The following TNPO1 variants were observed in gnomAD, a reference collection of about 807,000 sequenced individuals.
TNPO1 encodes transportin-1.
A neutral mutation model predicts 119.5 loss-of-function variants in TNPO1; 8 were observed. The ratio of observed to expected loss-of-function variants is 0.07; its 90% confidence interval spans 0.04 to 0.12. The LOEUF is 0.12. TNPO1 is among the 10% of genes least tolerant of loss of function. TNPO1 has a pLI of 1.00. For missense variants in TNPO1, 576 were observed against 1,089.8 expected, an observed-to-expected ratio of 0.53 and a Z score of 6.64; for synonymous variants, 362 against 363.0, an observed-to-expected ratio of 1.00 and a Z score of 0.03.
At chr5:72,868,523 C>T (rs1361889433) in intron 6 of TNPO1, among the ~76,000 whole-genome samples, 2 of 149,126 alleles carry the variant, frequency 1.3e-5, no homozygotes, top group African/African-American at 2.5e-5. Context: ...CTGTCTTTTC[C>T]ATTTATGTAA....
intron 2 of TNPO1, among the ~76,000 whole-genome samples, chr5:72,850,117 G>A (rs1745433712): frequency 6.6e-6 from 1 of 152,142 alleles, no homozygotes; most frequent in African/African-American, 2.4e-5. Context: ...CTGTTTCAGA[G>A]TGCCTTATTT....
chr5:72,851,909 CAA>C (rs1247993217), intron 3 of TNPO1, among the ~76,000 whole-genome samples: 1 of 152,050 alleles, frequency 6.6e-6, no homozygotes, highest in Non-Finnish European at 1.5e-5. Context: ...ATGGATATAA[CAA>C]AGGTTGTAAT....
At chr5:72,864,075 G>A (rs1746694083) in intron 5 of TNPO1, among the ~76,000 whole-genome samples, 1 of 151,976 alleles carries the variant, frequency 6.6e-6, no homozygotes, top group South Asian at 2.1e-4. Context: ...ATTTTTAATT[G>A]CCACATGGGT....
chr5:72,839,854 A>G (rs978416733), intron 1 of TNPO1, among the ~76,000 whole-genome samples: 4 of 152,208 alleles, frequency 2.6e-5, no homozygotes, highest in Non-Finnish European at 4.4e-5. Context: ...TTAAACATAC[A>G]TGGAGAGTGA....
chr5:72,862,762 C>CA lies in TNPO1; in HGVS notation c.462+849dup, dbSNP rs1746556285. 2.0e-5 allele frequency among the ~76,000 whole-genome samples: 3 copies of CA among 152,306 alleles called. No homozygotes were observed. The South Asian group carries it at 6.2e-4, about 32-fold the overall frequency. On this transcript the variant is annotated intron_variant, in intron 5 of 24. Coordinates refer to ENST00000337273, the MANE Select transcript of TNPO1 (RefSeq NM_002270.4). ...CCAGAATCAAGTGATTCTCCCACCTCAGCCTCCCGAGTAGCTGCGATTACA... is the reference window on the plus strand; with the variant it reads ...CCAGAATCAAGTGATTCTCCCACCTCAAGCCTCCCGAGTAGCTGCGATTACA...
chr5:72,831,506 G>A (rs1580367364), intron 1 of TNPO1, among the ~76,000 whole-genome samples: 1 of 151,654 alleles, frequency 6.6e-6, no homozygotes, highest in East Asian at 1.9e-4. Context: ...TTAGTATTTT[G>A]TAGCATTTAA....
At chr5:72,895,077 G>A (rs1479333080) in intron 18 of TNPO1, among the ~76,000 whole-genome samples, 1 of 152,156 alleles carries the variant, frequency 6.6e-6, no homozygotes, top group Non-Finnish European at 1.5e-5. Flanking sequence ...CTCAAACACA[G>A]CATTTGAAGT....
At chr5:72,891,320 C>A (rs1395508011) in intron 14 of TNPO1, among the ~76,000 whole-genome samples, 1 of 151,944 alleles carries the variant, frequency 6.6e-6, no homozygotes, top group Non-Finnish European at 1.5e-5. Flanking sequence ...AAAAAATTAG[C>A]CGGGTGTGGT....
chr5:72,862,992 T>TTGTGTGTGTG (rs71614493), intron 5 of TNPO1, among the ~76,000 whole-genome samples: 5,011 of 144,800 alleles, frequency 0.035, 179 homozygotes, highest in African/African-American at 0.093. Context: ...CTGTGGGTTT[T>TTGTGTGTGTG]TGTGTGTGTG....
In TNPO1 at chr5:72,825,544, G is replaced by A. The variant is rs185895014; in HGVS notation, c.15+8792G>A. 1.4e-3 allele frequency among the ~76,000 whole-genome samples: 215 copies of A among 152,198 alleles called. 1 individual carries two copies. Among genetic ancestry groups the A allele is most frequent in the African/African-American group, 4.8e-3 (199 of 41,520 alleles). On this transcript the variant is annotated intron_variant, in intron 1 of 24. Coordinates refer to ENST00000337273, the MANE Select transcript of TNPO1 (RefSeq NM_002270.4). ...CTACTAAAAATACAAAAAATTAGCC[G>A]GGCGTGGTGGCACGTGCCTGTAGTC...
At chr5:72,905,273 T>C (rs766285038) in intron 23 of TNPO1, 30 bp from the exon 24 acceptor site, 18 of 1,506,366 alleles carry the variant, frequency 1.2e-5, no homozygotes, top group Non-Finnish European at 1.6e-5. Flanking sequence ...CTCTTGTTAT[T>C]GATAAATTAA....
intron 15 of TNPO1, among the ~76,000 whole-genome samples, chr5:72,892,887 C>T (rs1749166245): frequency 6.6e-6 from 1 of 150,862 alleles, no homozygotes; most frequent in Non-Finnish European, 1.5e-5. Flanking sequence ...AATACTCAAT[C>T]TGTCCTTTAA....
At chr5:72,847,212 G>A (rs1745169390) in intron 1 of TNPO1, among the ~76,000 whole-genome samples, 1 of 152,072 alleles carries the variant, frequency 6.6e-6, no homozygotes, top group Non-Finnish European at 1.5e-5. Context: ...AGGTGGAAAG[G>A]TAGTAGTTTT....
intron 1 of TNPO1, among the ~76,000 whole-genome samples, chr5:72,822,754 A>C (rs904824556): frequency 3.3e-5 from 5 of 151,428 alleles, no homozygotes; most frequent in Admixed American, 6.6e-5. Flanking sequence ...CGCCATGCCC[A>C]GCTGATTTTT....
rs869051297 is a variant in TNPO1, at chr5:72,906,275, CTTTTTTTTTTTTTTT to C, written c.*35+854_*35+868del. Among the ~76,000 whole-genome samples, 477 of 54,690 alleles carry C rather than the reference CTTTTTTTTTTTTTTT, an allele frequency of 8.7e-3. 15 individuals are homozygous for C. The highest frequency in any genetic ancestry group is 0.03 in the African/African-American group (436 of 14,692). 35.9% of individuals were successfully genotyped at this position (54,690 alleles called of 152,430 possible). On this transcript the variant is annotated intron_variant, in intron 24 of 24. Transcript: ENST00000337273. Reference sequence around the variant, plus strand: ...CCATGTGCCCATCACTTTTTTTTTTCTTTTTTTTTTTTTTTTTTTTTTTTTTTTTTTTTTTTTTGA... The same window carrying C: ...CCATGTGCCCATCACTTTTTTTTTTCTTTTTTTTTTTTTTTTTTTTTTTGA...
At chr5:72,871,553 A>G (rs1202581010) in intron 6 of TNPO1, among the ~76,000 whole-genome samples, 3 of 152,204 alleles carry the variant, frequency 2.0e-5, no homozygotes. Flanking sequence ...TCATGAGTAC[A>G]ATGGAAAAAT....
chr5:72,855,698 A>G, intron 3 of TNPO1, 76 bp from the exon 4 acceptor site: 1 of 1,242,314 alleles, frequency 8.0e-7, no homozygotes, highest in Non-Finnish European at 1.1e-6. Context: ...TTGAATATAA[A>G]TGTTTTTAAA....
intron 4 of TNPO1, among the ~76,000 whole-genome samples, chr5:72,861,140 A>C (rs948313795): frequency 6.6e-6 from 1 of 151,966 alleles, no homozygotes; most frequent in African/African-American, 2.4e-5. Context: ...TGAACTCCCA[A>C]CCTCATGTGA....
chr5:72,847,991 T>C, intron 1 of TNPO1: 2 of 934,080 alleles, frequency 2.1e-6, no homozygotes, highest in East Asian at 1.2e-4. Context: ...GACTTGACTT[T>C]TTATTAGCCC....
Sources: gnomAD v4.1 joint callset for allele counts (sites outside exome capture counted in the v4.1 genomes callset) on GRCh38, gnomAD v4.1.1 for gene constraint, MANE v1.5 for transcripts, NCBI Gene and HGNC (gene_info 2026-07-23, HGNC 2026-07-21) for gene names.